Variants in PTPRD observed in about 807,000 individuals in gnomAD.
The protein encoded by PTPRD is receptor-type tyrosine-protein phosphatase delta.
Under a neutral mutation model 214.5 loss-of-function variants are expected in PTPRD, and 34 were observed. The ratio of observed to expected loss-of-function variants is 0.16; its 90% CI spans 0.12 to 0.21. PTPRD has a LOEUF of 0.21. Ranked by LOEUF, PTPRD falls within the 10% of genes least tolerant of loss-of-function variation. The probability of loss-of-function intolerance (pLI) is 1.00; values close to 1 mark genes in which losing one functional copy is unlikely to be tolerated. For synonymous variants in PTPRD, 1,128 were observed against 845.7 expected (o/e 1.33, Z -5.79); for missense variants, 2,545 against 2,398.7 (o/e 1.06, Z -1.27).
rs374467301 is a variant in PTPRD, at chr9:10,351,510, G to C, written c.-599-10493C>G. Among the ~76,000 whole-genome samples the C allele has an allele frequency of 9.0e-4, 137 of 152,168 alleles. 2 individuals carry two copies. The South Asian group carries it at 0.025, about 28-fold the overall frequency. On this transcript the variant is annotated intron_variant, in intron 2 of 45. Coordinates refer to ENST00000381196, the MANE Select transcript of PTPRD (RefSeq NM_002839.4). ...AAATATATTGTATTGGAGTCATGAA[G>C]TGATTACTGACTGCTAAATAGCCAC...
At chr9:9,496,527 TAACAC>T (rs1446323033) in intron 8 of PTPRD, among the ~76,000 whole-genome samples, 2 of 152,062 alleles carry the variant, frequency 1.3e-5, no homozygotes, top group African/African-American at 4.8e-5. Flanking sequence ...TGAGATATGG[TAACAC>T]ACCCATAAGG....
At chr9:9,747,485 A>T (rs1285815116) in intron 6 of PTPRD, among the ~76,000 whole-genome samples, 2 of 151,682 alleles carry the variant, frequency 1.3e-5, no homozygotes, top group Non-Finnish European at 2.9e-5. Flanking sequence ...CTTTGAATAT[A>T]CTATTTGGGG....
chr9:8,738,364 A>G (rs1048805632), intron 11 of PTPRD, among the ~76,000 whole-genome samples: 8 of 151,970 alleles, frequency 5.3e-5, no homozygotes, highest in African/African-American at 1.9e-4. Flanking sequence ...GATTTGTACT[A>G]TTTTTTCAGC....
chr9:8,604,541 G>T (rs1421943597), intron 14 of PTPRD, among the ~76,000 whole-genome samples: 1 of 152,102 alleles, frequency 6.6e-6, no homozygotes, highest in Non-Finnish European at 1.5e-5. Flanking sequence ...ACTGCCTCAG[G>T]GTTTTCTCCT....
intron 10 of PTPRD, among the ~76,000 whole-genome samples, chr9:9,093,435 A>G (rs1243159364): frequency 6.6e-6 from 1 of 152,024 alleles, no homozygotes; most frequent in Non-Finnish European, 1.5e-5. Context: ...ATTCCAGGCC[A>G]TAAAACAAGT....
chr9:9,939,238 T>A (rs1340836815), intron 4 of PTPRD, among the ~76,000 whole-genome samples: 1 of 152,174 alleles, frequency 6.6e-6, no homozygotes, highest in East Asian at 1.9e-4. Context: ...AGAGCAGGGC[T>A]CCTGTATGAA....
intron 11 of PTPRD, among the ~76,000 whole-genome samples, chr9:8,782,850 C>T (rs1029886266): frequency 7.2e-5 from 11 of 152,076 alleles, no homozygotes; most frequent in Non-Finnish European, 1.3e-4. Flanking sequence ...CTCCTTGGCC[C>T]CCCGCAAAGG....
chr9:8,817,897 T>G (rs183738990), intron 11 of PTPRD, among the ~76,000 whole-genome samples: 1 of 152,194 alleles, frequency 6.6e-6, no homozygotes, highest in Admixed American at 6.6e-5. Flanking sequence ...ATAACCAAGA[T>G]AAATTTGGAT....
chr9:8,891,933 G>A (rs1449369157), intron 11 of PTPRD, among the ~76,000 whole-genome samples: 1 of 152,110 alleles, frequency 6.6e-6, no homozygotes, highest in Non-Finnish European at 1.5e-5. Flanking sequence ...GCTTTTCTGA[G>A]TGGGCTAAAA....
intron 2 of PTPRD, among the ~76,000 whole-genome samples, chr9:10,455,293 G>T (rs140798907): frequency 1.3e-5 from 2 of 151,558 alleles, no homozygotes; most frequent in African/African-American, 4.8e-5. Context: ...TCTGCTTTCA[G>T]TTACTAAGGT....
At chr9:9,219,416 A>AT (rs1430922301) in intron 9 of PTPRD, among the ~76,000 whole-genome samples, 1 of 62,154 alleles carries the variant, frequency 1.6e-5, no homozygotes. Flanking sequence ...TGCTTATTAA[A>AT]TTAAAAAAAA....
At chr9:10,182,141 T>C (rs538024763) in intron 3 of PTPRD, among the ~76,000 whole-genome samples, 2 of 147,504 alleles carry the variant, frequency 1.4e-5, no homozygotes, top group South Asian at 4.3e-4. Context: ...GTGCCTGTAG[T>C]CCCAGCTATT....
At chr9:9,456,111 T>C (rs2092960474) in intron 8 of PTPRD, among the ~76,000 whole-genome samples, 1 of 151,886 alleles carries the variant, frequency 6.6e-6, no homozygotes. Flanking sequence ...ACAGGTAGAA[T>C]ACGTTTATTT....
At chr9:9,906,520 T>C (rs1566176131) in intron 5 of PTPRD, among the ~76,000 whole-genome samples, 1 of 151,986 alleles carries the variant, frequency 6.6e-6, no homozygotes, top group Non-Finnish European at 1.5e-5. Flanking sequence ...GATAGTTACA[T>C]TGGTCATCCA....
rs1200792244 is a variant in PTPRD at position 8,883,211 on chromosome 9, TA to T, written c.-104+135485del. Among the ~76,000 whole-genome samples, 3 of 152,298 alleles carry T rather than the reference TA, an allele frequency of 2.0e-5. No homozygotes were observed. The East Asian group carries it at 5.8e-4, about 29-fold the overall frequency. On this transcript the variant is annotated intron_variant, in intron 11 of 45. Transcript: ENST00000381196. ...TTGCAGAGCACTGCACAAATGATAA[TA>T]CCAATGGCCATGGTGGTTAAATAAT...
chr9:10,433,389 C>A (rs1160794632), intron 2 of PTPRD, among the ~76,000 whole-genome samples: 2 of 151,948 alleles, frequency 1.3e-5, no homozygotes, highest in Non-Finnish European at 2.9e-5. Flanking sequence ...ATATAAAACA[C>A]CTACTAGTTT....
At chr9:9,495,067 C>T (rs966523783) in intron 8 of PTPRD, among the ~76,000 whole-genome samples, 4 of 152,038 alleles carry the variant, frequency 2.6e-5, no homozygotes, top group African/African-American at 9.7e-5. Flanking sequence ...ATGGGGGAAA[C>T]TATAGTCTTT....
At chr9:9,159,560 A>G (rs529534688) in intron 10 of PTPRD, among the ~76,000 whole-genome samples, 5 of 152,266 alleles carry the variant, frequency 3.3e-5, no homozygotes, top group African/African-American at 9.6e-5. Context: ...AGAAAAGAAA[A>G]TACAAATCAG....
At chr9:9,312,416 C>G (rs970297866) in intron 9 of PTPRD, among the ~76,000 whole-genome samples, 1 of 152,098 alleles carries the variant, frequency 6.6e-6, no homozygotes, top group Non-Finnish European at 1.5e-5. Context: ...TGAATAACAT[C>G]ATTTTGTTCA....
Sources: allele counts gnomAD v4.1 joint callset (sites outside exome capture counted in the v4.1 genomes callset), GRCh38; gene constraint gnomAD v4.1.1; transcripts MANE v1.5; gene names NCBI Gene and HGNC (gene_info 2026-07-23, HGNC 2026-07-21).